Variants in WDR72 observed in about 807,000 individuals in gnomAD.
WDR72 encodes WD repeat domain 72, also known as WD repeat-containing protein 72.
WDR72 carries 120 observed loss-of-function variants against 124.2 expected under a neutral mutation model. The observed-to-expected ratio is 0.97, with a 90% CI of 0.83 to 1.12. The LOEUF is 1.12. Ranked by LOEUF, WDR72 falls within the 50% of genes most tolerant of loss-of-function variation. WDR72 has a pLI of 0.00. For missense variants in WDR72, 1,387 were observed against 1,278.8 expected (o/e 1.08, Z -1.29); for synonymous variants, 452 against 441.7 (o/e 1.02, Z -0.29).
At chr15:53,625,736 CA>C (rs1353335962) in intron 14 of WDR72, among the ~76,000 whole-genome samples, 1 of 149,428 alleles carries the variant, frequency 6.7e-6, no homozygotes, top group Non-Finnish European at 1.5e-5. Context: ...ACACGAAATG[CA>C]AACTGTAAGC....
At chr15:53,637,883 T>C (rs900887262) in intron 14 of WDR72, among the ~76,000 whole-genome samples, 1 of 152,176 alleles carries the variant, frequency 6.6e-6, no homozygotes, top group Non-Finnish European at 1.5e-5. Flanking sequence ...CTAGGAAATA[T>C]ATTTTCTGGT....
intron 2 of WDR72, among the ~76,000 whole-genome samples, chr15:53,726,523 A>C: frequency 6.6e-6 from 1 of 152,076 alleles, no homozygotes; most frequent in East Asian, 1.9e-4. Context: ...ATTACAAACA[A>C]AATTTTAACT....
intron 14 of WDR72, among the ~76,000 whole-genome samples, chr15:53,647,894 T>G (rs2015098501): frequency 6.6e-6 from 1 of 152,138 alleles, no homozygotes; most frequent in South Asian, 2.1e-4. Flanking sequence ...GCCACTCATT[T>G]AATCAATGCA....
chr15:53,544,331 T>A (rs2140266309), intron 18 of WDR72, among the ~76,000 whole-genome samples: 1 of 104,006 alleles, frequency 9.6e-6, no homozygotes, highest in African/African-American at 4.1e-5. Context: ...GTGGGCTTCA[T>A]CCCTGGGATG....
intron 14 of WDR72, among the ~76,000 whole-genome samples, chr15:53,630,067 TCA>T (rs1566993067): frequency 7.5e-6 from 1 of 133,566 alleles, no homozygotes; most frequent in Non-Finnish European, 1.5e-5. Flanking sequence ...TAAAAAGATC[TCA>T]GAGAAATACT....
chr15:53,688,582 G>T (rs2140497881), intron 13 of WDR72, among the ~76,000 whole-genome samples: 1 of 152,190 alleles, frequency 6.6e-6, no homozygotes. Flanking sequence ...ACAAATGGAA[G>T]AACATTCCAT....
At chr15:53,687,446 A>C (rs907694134) in intron 13 of WDR72, among the ~76,000 whole-genome samples, 3 of 151,526 alleles carry the variant, frequency 2.0e-5, no homozygotes, top group African/African-American at 7.3e-5. Context: ...CTATTCAAAT[A>C]AACTAGAAAA....
intron 6 of WDR72, among the ~76,000 whole-genome samples, chr15:53,713,490 G>T (rs181829565): frequency 1.1e-5 from 1 of 92,088 alleles, no homozygotes; most frequent in Non-Finnish European, 2.4e-5. Flanking sequence ...TTGCTGTGTC[G>T]CCAAGGATGG....
intron 17 of WDR72, among the ~76,000 whole-genome samples, chr15:53,602,036 C>G (rs189010402): frequency 2.6e-5 from 4 of 152,198 alleles, no homozygotes; most frequent in African/African-American, 7.2e-5. Flanking sequence ...ACAGATTATA[C>G]ATTTCTCTCA....
chr15:53,695,261 T>C (rs1337948292), intron 13 of WDR72, among the ~76,000 whole-genome samples: 1 of 152,248 alleles, frequency 6.6e-6, no homozygotes, highest in Non-Finnish European at 1.5e-5. Context: ...AGAAATTCAT[T>C]ACACAAATTA....
intron 13 of WDR72, among the ~76,000 whole-genome samples, chr15:53,684,907 A>AC (rs922208728): frequency 6.4e-4 from 97 of 152,228 alleles, no homozygotes; most frequent in South Asian, 4.2e-3. Context: ...CTGACCCCTG[A>AC]CCCCGAGCAG....
intron 18 of WDR72, among the ~76,000 whole-genome samples, chr15:53,585,202 C>T (rs1196873606): frequency 2.6e-5 from 4 of 152,010 alleles, no homozygotes; most frequent in Non-Finnish European, 1.5e-5. Context: ...ACTCATAGTT[C>T]TGCAAGGCTG....
chr15:53,757,882 T>G (rs1049030574), intron 1 of WDR72, among the ~76,000 whole-genome samples: 4 of 152,206 alleles, frequency 2.6e-5, no homozygotes, highest in African/African-American at 9.6e-5. Flanking sequence ...TAGGCATGTA[T>G]AAACTAGAAC....
At chr15:53,556,690 T>G (rs527333375) in intron 18 of WDR72, among the ~76,000 whole-genome samples, 3 of 152,228 alleles carry the variant, frequency 2.0e-5, no homozygotes, top group African/African-American at 7.2e-5. Flanking sequence ...ATGCAATATC[T>G]TGAATGGGTT....
chr15:53,578,159 C>T (rs1312546800), intron 18 of WDR72, among the ~76,000 whole-genome samples: 2 of 152,112 alleles, frequency 1.3e-5, no homozygotes, highest in Non-Finnish European at 2.9e-5. Flanking sequence ...CTGACCTAGG[C>T]ACTGGAGATA....
intron 17 of WDR72, among the ~76,000 whole-genome samples, chr15:53,608,518 G>C (rs1325675522): frequency 6.6e-6 from 1 of 152,142 alleles, no homozygotes; most frequent in African/African-American, 2.4e-5. Context: ...ACTTTGGAAG[G>C]CTGAGGTGGG....
At chr15:53,648,081 G>C (rs908535744) in intron 14 of WDR72, among the ~76,000 whole-genome samples, 1 of 152,056 alleles carries the variant, frequency 6.6e-6, no homozygotes, top group Admixed American at 6.6e-5. Flanking sequence ...CAGATGGCAC[G>C]TCTGTTTGAA....
intron 6 of WDR72, among the ~76,000 whole-genome samples, 184 bp downstream of exon 6, chr15:53,714,250 C>A (rs1191395403): frequency 6.6e-6 from 1 of 151,596 alleles, no homozygotes; most frequent in African/African-American, 2.4e-5. Context: ...TGGAAGGATA[C>A]AAGCCAAGTG....
chr15:53,661,290 G>T (rs2015600925), intron 14 of WDR72, among the ~76,000 whole-genome samples: 1 of 152,164 alleles, frequency 6.6e-6, no homozygotes, highest in African/African-American at 2.4e-5. Context: ...CAGGACATCT[G>T]GTGAAGGCCT....
Sources: gnomAD v4.1 joint callset for allele counts (sites outside exome capture counted in the v4.1 genomes callset) on GRCh38, gnomAD v4.1.1 for gene constraint, MANE v1.5 for transcripts, NCBI Gene and HGNC (gene_info 2026-07-23, HGNC 2026-07-21) for gene names.